CDH8: variants seen among roughly 807,000 people sequenced by gnomAD.
The protein encoded by CDH8 is cadherin 8.
CDH8 carries 17 observed loss-of-function variants against 68.1 expected under a neutral mutation model. That is an observed-to-expected ratio of 0.25 (90% CI 0.17 to 0.37). The LOEUF is 0.37. CDH8 is among the 10% of genes least tolerant of loss of function. The pLI is 1.00. For missense variants in CDH8, 763 were observed against 999.3 expected (o/e 0.76, Z 3.19); for synonymous variants, 372 against 365.1 (o/e 1.02, Z -0.21).
chr16:61,647,959 A>G lies in CDH8; in HGVS notation c.*5649T>C. 1.5e-6 allele frequency: 1 copy of G among 658,046 alleles called. No individual in the cohort carries two copies. Among genetic ancestry groups the G allele is most frequent in the South Asian group, 1.7e-5 (1 of 60,006 alleles). 40.8% of individuals were successfully genotyped at this position (658,046 alleles called of 1,614,324 possible). A position where few individuals can be genotyped will look rare whatever the true frequency, so the allele number is the denominator to read the frequency against. ...TTGCAAGAAATAATACTTGCATTCA[A>G]GATGTGAATTAGATGGTGGCAGGTA... On this transcript the variant is annotated 3_prime_UTR_variant, in exon 12 of 12. Transcript: ENST00000577390.
intron 2 of CDH8, among the ~76,000 whole-genome samples, chr16:61,922,167 C>G (rs566768777): frequency 2.0e-5 from 3 of 152,122 alleles, no homozygotes; most frequent in Admixed American, 2.0e-4. Context: ...TAATTTAGGA[C>G]AGATTTTCCT....
Position 61,714,442 on chromosome 16 carries a change from A to G in CDH8, c.1537-484T>C, listed in dbSNP as rs369312306. 2.8e-4 allele frequency among the ~76,000 whole-genome samples: 43 copies of G among 151,804 alleles called. No individual in the cohort carries two copies. In the East Asian group the frequency reaches 7.8e-3, roughly 27 times the overall value. The stretch of plus-strand genomic sequence containing the variant: ...TCCTCAGCACAAACATCACTGCAAC[A>G]AACCTCTCTGATGAGTTGCTTCTGT... On this transcript the variant is annotated intron_variant, in intron 9 of 11. Transcript: ENST00000577390.
intron 6 of CDH8, among the ~76,000 whole-genome samples, chr16:61,819,059 T>G (rs1390465148): frequency 1.3e-5 from 2 of 151,908 alleles, no homozygotes; most frequent in Non-Finnish European, 2.9e-5. Flanking sequence ...TATTCACAAT[T>G]TGCCAATCAC....
chr16:61,991,837 C>A (rs1965726575), intron 2 of CDH8, among the ~76,000 whole-genome samples: 1 of 152,146 alleles, frequency 6.6e-6, no homozygotes, highest in Non-Finnish European at 1.5e-5. Context: ...CACTCCCCAA[C>A]CCACCCAGAG....
intron 8 of CDH8, among the ~76,000 whole-genome samples, chr16:61,756,927 G>A (rs1247454183): frequency 6.6e-6 from 1 of 152,084 alleles, no homozygotes; most frequent in Non-Finnish European, 1.5e-5. Context: ...CCAGTAAGCT[G>A]GCCCCTATAG....
At chr16:61,768,767 A>C (rs1043620299) in intron 8 of CDH8, among the ~76,000 whole-genome samples, 2 of 151,788 alleles carry the variant, frequency 1.3e-5, no homozygotes, top group Admixed American at 1.3e-4. Flanking sequence ...CCAACGTTTT[A>C]CAGGTAATAA....
intron 10 of CDH8, among the ~76,000 whole-genome samples, chr16:61,709,745 G>C (rs1470945138): frequency 6.6e-6 from 1 of 151,380 alleles, no homozygotes; most frequent in Admixed American, 6.6e-5. Flanking sequence ...AAAAAAAAAA[G>C]TCATCATATT....
chr16:61,901,096 A>T, intron 3 of CDH8, 83 bp downstream of exon 3: 1 of 1,246,348 alleles, frequency 8.0e-7, no homozygotes. Context: ...AATGTCTTTC[A>T]TTCAGCAATA....
chr16:62,000,788 A>C (rs1490352172), intron 2 of CDH8, among the ~76,000 whole-genome samples: 7 of 152,324 alleles, frequency 4.6e-5, no homozygotes, highest in African/African-American at 1.7e-4. Context: ...TTATTTTCTC[A>C]TGTAATATCA....
chr16:61,893,108 C>G (rs890947477), intron 3 of CDH8, among the ~76,000 whole-genome samples: 1 of 152,140 alleles, frequency 6.6e-6, no homozygotes, highest in Non-Finnish European at 1.5e-5. Flanking sequence ...TCCGAAGGAT[C>G]CTTCTAGGCC....
At chr16:61,978,182 C>A (rs897431724) in intron 2 of CDH8, among the ~76,000 whole-genome samples, 1 of 152,144 alleles carries the variant, frequency 6.6e-6, no homozygotes, top group Non-Finnish European at 1.5e-5. Context: ...GATATACCAG[C>A]ATTTTAGGGA....
At position 61,655,539 on chromosome 16, in the gene CDH8, A is replaced by C; in HGVS notation, c.1837T>G (p.Tyr613Asp). 1 of 1,614,108 alleles carries C rather than the reference A, an allele frequency of 6.2e-7. No homozygotes were observed. The stretch of plus-strand genomic sequence containing the variant: ...ATACTGAGTCCAATTGGAAGGACAT[A>C]AGCTTCGACATTGCAAGACTGGACG... ...GVVQSCNVEA[Y>D]VLPIGLSMGA... is the part of the protein sequence containing the mutation. The change falls in exon 11 of 12, where the codon TAT (tyrosine) becomes GAT (aspartate). Residue 613 changes from tyrosine (Y) to aspartate (D), a missense_variant. By Grantham distance (160) the Tyr-to-Asp change is radical. Transcript: ENST00000577390.
At chr16:61,686,548 A>T (rs149613768) in intron 10 of CDH8, among the ~76,000 whole-genome samples, 1,918 of 152,040 alleles carry the variant, frequency 0.013, 19 homozygotes, top group Non-Finnish European at 0.019. Flanking sequence ...AGATCACTAG[A>T]TATTCCTGCT....
chr16:61,771,133 A>ATTTTTATAGGTATTTTTT (rs1567462689), intron 8 of CDH8, among the ~76,000 whole-genome samples: 1 of 151,902 alleles, frequency 6.6e-6, no homozygotes, highest in Non-Finnish European at 1.5e-5. Context: ...CTAACCAATC[A>ATTTTTATAGGTATTTTTT]TTTTTAATAG....
chr16:62,000,025 T>G (rs1240522457), intron 2 of CDH8, among the ~76,000 whole-genome samples: 2 of 151,866 alleles, frequency 1.3e-5, no homozygotes, highest in African/African-American at 4.8e-5. Context: ...TGTGTTCTCA[T>G]TGTTCAACTC....
chr16:61,733,082 G>T (rs986380873), intron 8 of CDH8, among the ~76,000 whole-genome samples: 3 of 151,852 alleles, frequency 2.0e-5, no homozygotes, highest in Admixed American at 1.3e-4. Flanking sequence ...CAATTTTAGG[G>T]TTTATAATGT....
intron 4 of CDH8, among the ~76,000 whole-genome samples, chr16:61,836,680 C>T (rs180963170): frequency 3.3e-5 from 5 of 151,994 alleles, no homozygotes; most frequent in East Asian, 3.9e-4. Flanking sequence ...CAATGACCAT[C>T]GAACATAGAC....
chr16:61,809,743 A>T (rs1461708513), intron 7 of CDH8, among the ~76,000 whole-genome samples: 1 of 152,224 alleles, frequency 6.6e-6, no homozygotes, highest in Non-Finnish European at 1.5e-5. Flanking sequence ...CCTCTTTTAA[A>T]TCAGCATGGT....
At chr16:61,676,861 T>C (rs1459967923) in intron 10 of CDH8, among the ~76,000 whole-genome samples, 1 of 152,086 alleles carries the variant, frequency 6.6e-6, no homozygotes, top group East Asian at 1.9e-4. Flanking sequence ...CTACCATATG[T>C]GTGCAAAGGA....
Sources: allele counts gnomAD v4.1 joint callset (sites outside exome capture counted in the v4.1 genomes callset), GRCh38; gene constraint gnomAD v4.1.1; transcripts MANE v1.5; gene names NCBI Gene and HGNC (gene_info 2026-07-23, HGNC 2026-07-21).